CARMIL2: variants seen among roughly 807,000 people sequenced by gnomAD.
CARMIL2 encodes capping protein regulator and myosin 1 linker 2.
Under a neutral mutation model 173.3 loss-of-function variants are expected in CARMIL2, and 96 were observed. The ratio of observed to expected loss-of-function variants is 0.55; its 90% CI spans 0.47 to 0.66. The LOEUF is 0.66. Among genes scored for constraint, CARMIL2 ranks in the 30% least tolerant of loss-of-function variants. The probability of loss-of-function intolerance (pLI) is 0.00; values close to 1 mark genes in which losing one functional copy is unlikely to be tolerated. For missense variants in CARMIL2, 1,771 were observed against 1,906.7 expected, an observed-to-expected ratio of 0.93 and a Z score of 1.33; for synonymous variants, 830 against 817.1, an observed-to-expected ratio of 1.02 and a Z score of -0.27.
chr16:67,647,264 G>T (rs2052611127), intron 9 of CARMIL2, 35 bp from the exon 10 acceptor site: 3 of 1,610,528 alleles, frequency 1.9e-6, no homozygotes, highest in East Asian at 2.2e-5. Flanking sequence ...GAGGGCCAGG[G>T]TGCAGCCCGT....
At chr16:67,654,280 G>C in intron 30 of CARMIL2, 31 bp downstream of exon 30, 1 of 1,574,260 alleles carries the variant, frequency 6.4e-7, no homozygotes, top group Non-Finnish European at 8.6e-7. Flanking sequence ...GGGGGTGGGA[G>C]AGGGTGGGAT....
In CARMIL2 at chr16:67,653,120, G is replaced by GC; in HGVS notation, c.2990dup (p.Gly998TrpfsTer87). The GC allele has an allele frequency of 8.9e-7, 1 of 1,124,968 alleles. No homozygotes were observed. The highest frequency in any genetic ancestry group is 1.1e-6 in the Non-Finnish European group (1 of 918,350). The allele number at this position is 1,124,968 out of a possible 1,614,324, so 69.7% of individuals were successfully genotyped here. A position where few individuals can be genotyped will look rare whatever the true frequency, so the allele number is the denominator to read the frequency against. On this transcript the variant is annotated frameshift_variant, in exon 29 of 38. Transcript: ENST00000334583. LOFTEE classifies it high-confidence loss of function. This position sits in a 1 kb window ranked among gnomAD's most constrained non-coding sequence, Gnocchi z 7.4. ...CGCGCGCGGCTCTCCGAGCCCTGCCGCCCCTGGGCCCCCGGCCGGCCCGCT... is the reference window on the plus strand; with the variant it reads ...CGCGCGCGGCTCTCCGAGCCCTGCCGCCCCCTGGGCCCCCGGCCGGCCCGCT...
Position 67,656,876 on chromosome 16 carries a change from C to G in CARMIL2, c.4112C>G (p.Pro1371Arg). The G allele has an allele frequency of 6.5e-7, 1 of 1,546,468 alleles. No homozygotes were observed. The highest frequency in any genetic ancestry group is 8.7e-7 in the Non-Finnish European group (1 of 1,143,818). ...VSVHEDQLQA[P>R]AERPLRLQRS... ...GTGCATGAGGACCAGCTCCAGGCCC[C>G]TGCTGGTGAGGGGAGACACCTCCAC... Residue 1371 changes from proline to arginine, a missense_variant, in exon 36 of 38, where the codon CCT becomes CGT. By Grantham distance (103) the Pro-to-Arg change is moderately radical. Transcript: ENST00000334583.
chr16:67,649,625 C>CG lies in CARMIL2; in HGVS notation c.1919+10dup, dbSNP rs1363325093. 1.5e-6 allele frequency: 2 copies of CG among 1,298,890 alleles called. No homozygotes were observed. Among genetic ancestry groups the CG allele is most frequent in the African/African-American group, 3.1e-5 (2 of 64,668 alleles). 80.5% of individuals were successfully genotyped at this position (1,298,890 alleles called of 1,614,324 possible). On this transcript the variant is annotated splice_region_variant and intron_variant, in intron 20 of 37. Transcript: ENST00000334583. This position sits in a 1 kb window ranked among gnomAD's most constrained non-coding sequence, Gnocchi z 6.7. ...CGGGTCAACTCGAGGCTCCGGTGGG[C>CG]GGGGTCAGAGGGGTGGGACCAGCGG...
At chr16:67,650,248 A>C (rs1394597494) in intron 22 of CARMIL2, 98 bp downstream of exon 22, 1 of 1,001,626 alleles carries the variant, frequency 1.0e-6, no homozygotes, top group Non-Finnish European at 1.5e-6. Flanking sequence ...TCCTGGGGCC[A>C]GGGTGCCTGA....
At position 67,656,740 on chromosome 16, in the gene CARMIL2, G is replaced by A. The variant is rs901147138; in HGVS notation, c.4037-61G>A. The A allele has an allele frequency of 1.9e-6, 3 of 1,559,058 alleles. No individual in the cohort carries two copies. In the African/African-American group the frequency reaches 4.1e-5, roughly 21 times the overall value. On this transcript the variant is annotated intron_variant, in intron 35 of 37. Coordinates refer to ENST00000334583, the MANE Select transcript of CARMIL2 (RefSeq NM_001013838.3). ...GCTCCTCTAAGGACCCTGAGGGTGGGAGGCAAGGGCTGGAGTGGGGGCAGC... is the reference window on the plus strand; with the variant it reads ...GCTCCTCTAAGGACCCTGAGGGTGGAAGGCAAGGGCTGGAGTGGGGGCAGC...
chr16:67,651,554 AG>A lies in CARMIL2; in HGVS notation c.2427+42del, dbSNP rs1230575744. ...CTGCCCCAACCCCACCTCCGTTTGC[AG>A]GTTTGACTCCCATCCTTTAGTTTTA... is the stretch of plus-strand genomic sequence containing the variant. On this transcript the variant is annotated intron_variant, in intron 24 of 37. Transcript: ENST00000334583. The surrounding 1 kb of genome is among the most constrained non-coding windows in gnomAD (Gnocchi z 4.2). The A allele has an allele frequency of 1.9e-6, 3 of 1,563,014 alleles. No homozygotes were observed. The highest frequency in any genetic ancestry group is 2.6e-6 in the Non-Finnish European group (3 of 1,152,882).
Position 67,657,110 on chromosome 16 carries a change from G to A in CARMIL2, c.4118-129G>A, listed in dbSNP as rs1285808668. 18 of 893,148 alleles carry A rather than the reference G, an allele frequency of 2.0e-5. No homozygotes were observed. Among genetic ancestry groups the A allele is most frequent in the Admixed American group, 1.6e-4 (7 of 44,530 alleles). 55.3% of individuals were successfully genotyped at this position (893,148 alleles called of 1,614,324 possible). On this transcript the variant is annotated intron_variant, in intron 36 of 37. Transcript: ENST00000334583. The surrounding 1 kb of genome is among the most constrained non-coding windows in gnomAD (Gnocchi z 4.5). ...CTGCCAGGGGTGAGGACGCAGGGAC[G>A]GGGGATGCTCTGAAGGCAGCAGTGT...
rs2052879887 is a variant in CARMIL2, at chr16:67,657,177, G to T, written c.4118-62G>T. ...ATGTGCACTGGAGGTGGAAGAGAGG[G>T]GCAGGGGATGGACAGACCCCAAGCC... On this transcript the variant is annotated intron_variant, in intron 36 of 37. Transcript: ENST00000334583. The surrounding 1 kb of genome is among the most constrained non-coding windows in gnomAD (Gnocchi z 4.5). 1.4e-6 allele frequency: 2 copies of T among 1,440,700 alleles called. No individual in the cohort carries two copies. The highest frequency in any genetic ancestry group is 2.4e-5 in the East Asian group (1 of 42,034). The allele number at this position is 1,440,700 out of a possible 1,614,324, so 89.2% of individuals were successfully genotyped here. A position where few individuals can be genotyped will look rare whatever the true frequency, so the allele number is the denominator to read the frequency against.
chr16:67,648,780 C>A lies in CARMIL2; in HGVS notation c.1509+26C>A. ...GTGAGCGCCGGCCCCCAGAAGAGAC[C>A]ACACATTGGGAGAGGCGCTGGGAGG... On this transcript the variant is annotated intron_variant, in intron 16 of 37. Transcript: ENST00000334583. The surrounding 1 kb of genome is among the most constrained non-coding windows in gnomAD (Gnocchi z 6.1). 1.3e-6 allele frequency: 2 copies of A among 1,588,638 alleles called. No individual in the cohort carries two copies. Among genetic ancestry groups the A allele is most frequent in the South Asian group, 1.1e-5 (1 of 87,498 alleles).
intron 3 of CARMIL2, 92 bp downstream of exon 3, chr16:67,645,869 G>A (rs1453367872): frequency 1.2e-5 from 19 of 1,569,236 alleles, no homozygotes; most frequent in Non-Finnish European, 1.5e-5. Context: ...GGCCTTGTGG[G>A]CCCTGACTTT....
rs1332231176 is a variant in CARMIL2, at chr16:67,649,598, T to C, written c.1898T>C (p.Leu633Pro). ...DAGAKLLAKA[L>P]RVNSRLRSVV... is the part of the protein sequence containing the mutation. ...GGCGCCAAGTTGCTGGCCAAGGCGC[T>C]GCGGGTCAACTCGAGGCTCCGGTGG... Residue 633 changes from leucine (L) to proline (P), a missense_variant, in exon 20 of 38, where the codon CTG becomes CCG. Physicochemically the swap from Leu to Pro is moderately conservative, Grantham distance 98. This residue lies in a region of CARMIL2 where 944 missense variants were observed against 975.6 expected (regional missense o/e 0.97). Coordinates refer to ENST00000334583, the MANE Select transcript of CARMIL2 (RefSeq NM_001013838.3). This position sits in a 1 kb window ranked among gnomAD's most constrained non-coding sequence, Gnocchi z 6.7. 6.3e-7 allele frequency: 1 copy of C among 1,581,174 alleles called. No individual in the cohort carries two copies. The highest frequency in any genetic ancestry group is 1.7e-5 in the Admixed American group (1 of 59,078).
In CARMIL2 at chr16:67,654,254, G is replaced by A; in HGVS notation, c.3221+5G>A. On this transcript the variant is annotated splice_donor_5th_base_variant and intron_variant, in intron 30 of 37. Coordinates refer to ENST00000334583, the MANE Select transcript of CARMIL2 (RefSeq NM_001013838.3). ...GCTGATCCAGCAGGATCGCCTGTGA[G>A]TGAGGGGCATCTGCTGGGGGTGGGA... is the stretch of plus-strand genomic sequence containing the variant. 1 of 1,572,354 alleles carries A rather than the reference G, an allele frequency of 6.4e-7. No homozygotes were observed. The highest frequency in any genetic ancestry group is 1.2e-5 in the South Asian group (1 of 85,556).
rs377702643 is a variant in CARMIL2 at position 67,652,162 on chromosome 16, G to T, written c.2677-37G>T. ...TTAGCATCAATGGGATCATGGCTGA[G>T]GCCCTACCTGCCATCTTTGGCTGCT... On this transcript the variant is annotated intron_variant, in intron 26 of 37. Coordinates refer to ENST00000334583, the MANE Select transcript of CARMIL2 (RefSeq NM_001013838.3). The surrounding 1 kb of genome is among the most constrained non-coding windows in gnomAD (Gnocchi z 4.7). 2,129 of 1,606,472 alleles carry T rather than the reference G, an allele frequency of 1.3e-3. 6 individuals carry two copies. Among genetic ancestry groups the T allele is most frequent in the South Asian group, 1.6e-3 (147 of 90,888 alleles).
At chr16:67,654,986 G>C in intron 32 of CARMIL2, 86 bp downstream of exon 32, 1 of 1,511,282 alleles carries the variant, frequency 6.6e-7, no homozygotes, top group Admixed American at 1.8e-5. Flanking sequence ...GGAGACTCAT[G>C]ACAGATAGGT....
At position 67,657,436 on chromosome 16, in the gene CARMIL2, C is replaced by T. The variant is rs779617633; in HGVS notation, c.4226C>T (p.Pro1409Leu). The change falls in exon 38 of 38, where the codon CCA becomes CTA. Residue 1409 changes from proline (P) to leucine (L), a missense_variant. Pro to Leu is a moderately conservative substitution (Grantham distance 98). This residue lies in a region of CARMIL2 where 817 missense variants were observed against 903.5 expected (regional missense o/e 0.90). Transcript: ENST00000334583. The surrounding 1 kb of genome is among the most constrained non-coding windows in gnomAD (Gnocchi z 4.5). The stretch of plus-strand genomic sequence containing the variant: ...GGCCTTGGAACCGAGCCTCTGCCCC[C>T]ACAGCCCACAGAGCCCTCCAGCCCT... The part of the protein sequence containing the change: ...GSGLGTEPLP[P>L]QPTEPSSPER... 4 of 1,609,820 alleles carry T rather than the reference C, an allele frequency of 2.5e-6. No individual in the cohort carries two copies. The highest frequency in any genetic ancestry group is 3.4e-5 in the Admixed American group (2 of 59,254).
At position 67,648,652 on chromosome 16, in the gene CARMIL2, G is replaced by A; in HGVS notation, c.1440-33G>A. 6.3e-7 allele frequency: 1 copy of A among 1,583,526 alleles called. No individual in the cohort carries two copies. Among genetic ancestry groups the A allele is most frequent in the Non-Finnish European group, 8.6e-7 (1 of 1,164,620 alleles). On this transcript the variant is annotated intron_variant, in intron 15 of 37. Coordinates refer to ENST00000334583, the MANE Select transcript of CARMIL2 (RefSeq NM_001013838.3). This position sits in a 1 kb window ranked among gnomAD's most constrained non-coding sequence, Gnocchi z 6.1. Reference sequence around the variant, plus strand: ...TCGCACCCTGGAGCCCCCTGTCCCAGCTCCCGCCACCCCGTGTAACGTCCT... The same window carrying A: ...TCGCACCCTGGAGCCCCCTGTCCCAACTCCCGCCACCCCGTGTAACGTCCT...
Position 67,651,913 on chromosome 16 carries a change from G to C in CARMIL2, c.2589-8G>C, listed in dbSNP as rs200246534. 2.5e-5 allele frequency: 41 copies of C among 1,613,440 alleles called. No individual in the cohort carries two copies. In the African/African-American group the frequency reaches 5.5e-4, roughly 21 times the overall value. On this transcript the variant is annotated splice_polypyrimidine_tract_variant and splice_region_variant and intron_variant, in intron 25 of 37. Transcript: ENST00000334583. This position sits in a 1 kb window ranked among gnomAD's most constrained non-coding sequence, Gnocchi z 4.2. ...AGCCCATTAACCCCTGTCCTCTCCTGCCCTTAGGGACATGCGGCTATCAAT... is the reference window on the plus strand; with the variant it reads ...AGCCCATTAACCCCTGTCCTCTCCTCCCCTTAGGGACATGCGGCTATCAAT...
Position 67,649,649 on chromosome 16 carries a change from G to T in CARMIL2, c.1919+30G>T, listed in dbSNP as rs756616367. 3 of 1,569,142 alleles carry T rather than the reference G, an allele frequency of 1.9e-6. No individual in the cohort carries two copies. The highest frequency in any genetic ancestry group is 2.6e-6 in the Non-Finnish European group (3 of 1,162,250). On this transcript the variant is annotated intron_variant, in intron 20 of 37. Coordinates refer to ENST00000334583, the MANE Select transcript of CARMIL2 (RefSeq NM_001013838.3). This position sits in a 1 kb window ranked among gnomAD's most constrained non-coding sequence, Gnocchi z 6.7. ...GCGGGGTCAGAGGGGTGGGACCAGC[G>T]GGCAGGGGGCGCGGTGGAGAGGAGG... is the stretch of plus-strand genomic sequence containing the variant.
Sources: allele counts gnomAD v4.1 joint callset, GRCh38; gene constraint gnomAD v4.1.1; regional missense constraint gnomAD v4.1.1; non-coding constraint Gnocchi (gnomAD v3.1); transcripts MANE v1.5; gene names NCBI Gene and HGNC (gene_info 2026-07-23, HGNC 2026-07-21).